The following CEMIP variants were observed in gnomAD, a reference collection of about 807,000 sequenced individuals.
CEMIP encodes cell migration inducing hyaluronidase 1.
Under a neutral mutation model 156.9 loss-of-function variants are expected in CEMIP, and 105 were observed. That is an observed-to-expected ratio of 0.67 (90% confidence interval 0.57 to 0.79). CEMIP has a LOEUF of 0.79. Ranked by LOEUF, CEMIP falls within the 30% of genes least tolerant of loss-of-function variation. The pLI, the probability that CEMIP is intolerant of heterozygous loss-of-function variation, is 0.00. For missense variants in CEMIP, 1,457 were observed against 1,769.4 expected, an observed-to-expected ratio of 0.82 and a Z score of 3.17; for synonymous variants, 676 against 668.4, an observed-to-expected ratio of 1.01 and a Z score of -0.17.
intron 9 of CEMIP, 128 bp from the exon 10 acceptor site, chr15:80,889,343 G>T: frequency 7.6e-7 from 1 of 1,324,212 alleles, no homozygotes. Context: ...CCATGCCCCA[G>T]CCTGGTGCAA....
At position 80,906,609 on chromosome 15, in the gene CEMIP, C is replaced by A. The variant is rs1448421643; in HGVS notation, c.1412-54C>A. The A allele has an allele frequency of 1.2e-5, 19 of 1,555,626 alleles. No homozygotes were observed. Among genetic ancestry groups the A allele is most frequent in the Non-Finnish European group, 1.7e-5 (19 of 1,140,528 alleles). On this transcript the variant is annotated intron_variant, in intron 12 of 29. Coordinates refer to ENST00000394685, the MANE Select transcript of CEMIP (RefSeq NM_001293298.2). This position sits in a 1 kb window ranked among gnomAD's most constrained non-coding sequence, Gnocchi z 4.3. ...GGAGGCACCTGGCAGGGGCCCAGAA[C>A]TCAGTGGGCATGCAGTACCTGCTGT...
chr15:80,789,537 C>T (rs1045382450), intron 1 of CEMIP, among the ~76,000 whole-genome samples: 1 of 151,990 alleles, frequency 6.6e-6, no homozygotes, highest in Non-Finnish European at 1.5e-5. Flanking sequence ...TTTGGGACTT[C>T]CATATGCAGA....
intron 19 of CEMIP, among the ~76,000 whole-genome samples, chr15:80,926,966 G>A (rs1328340848): frequency 6.6e-6 from 1 of 152,054 alleles, no homozygotes; most frequent in Admixed American, 6.5e-5. Context: ...GAGTAGCTGG[G>A]ATTACAAGCG....
At chr15:80,924,466 T>G (rs936216426) in intron 17 of CEMIP, among the ~76,000 whole-genome samples, 155 bp from the exon 18 acceptor site, 2 of 152,166 alleles carry the variant, frequency 1.3e-5, no homozygotes, top group African/African-American at 4.8e-5. Context: ...CATCTTCACC[T>G]CCCTTACTGT....
intron 1 of CEMIP, among the ~76,000 whole-genome samples, chr15:80,805,970 G>A (rs1439670032): frequency 6.6e-6 from 1 of 152,110 alleles, no homozygotes; most frequent in Non-Finnish European, 1.5e-5. Flanking sequence ...TGCTTTAAAA[G>A]GAAATCTCCC....
chr15:80,813,044 A>G lies in CEMIP; in HGVS notation c.-176+33430A>G, dbSNP rs143949425. 2.9e-3 allele frequency among the ~76,000 whole-genome samples: 435 copies of G among 152,318 alleles called. 2 individuals carry two copies. Among genetic ancestry groups the G allele is most frequent in the Middle Eastern group, 0.014 (4 of 294 alleles). ...ATCATTGCCATGTTTTCCCTTTACA[A>G]TGCATGATTAATTTTAATTTTTCTA... On this transcript the variant is annotated intron_variant, in intron 1 of 29. Coordinates refer to ENST00000394685, the MANE Select transcript of CEMIP (RefSeq NM_001293298.2).
chr15:80,945,671 G>T (rs538078808), intron 28 of CEMIP, among the ~76,000 whole-genome samples: 1 of 152,176 alleles, frequency 6.6e-6, no homozygotes, highest in South Asian at 2.1e-4. Flanking sequence ...ACAAATGGGG[G>T]TAACAACAGG....
intron 14 of CEMIP, among the ~76,000 whole-genome samples, chr15:80,913,472 A>T (rs1405682453): frequency 8.5e-6 from 1 of 118,212 alleles, no homozygotes; most frequent in Non-Finnish European, 1.8e-5. Flanking sequence ...ACATTGAGGT[A>T]AAAGAGCATA....
chr15:80,878,369 A>T (rs945011104), intron 3 of CEMIP, among the ~76,000 whole-genome samples: 2 of 152,200 alleles, frequency 1.3e-5, no homozygotes, highest in Non-Finnish European at 2.9e-5. Context: ...AGAAGACAGA[A>T]TGTCCTGGAA....
At chr15:80,921,479 T>G (rs1900468947) in intron 16 of CEMIP, among the ~76,000 whole-genome samples, 2 of 152,194 alleles carry the variant, frequency 1.3e-5, no homozygotes, top group African/African-American at 2.4e-5. Context: ...ATTATTATTA[T>G]CCCCATCTGA....
At chr15:80,941,010 A>C (rs2141969601) in intron 25 of CEMIP, among the ~76,000 whole-genome samples, 1 of 152,330 alleles carries the variant, frequency 6.6e-6, no homozygotes, top group Non-Finnish European at 1.5e-5. Context: ...TAAGAGCGAG[A>C]ATCTTGGTTA....
At chr15:80,879,938 G>T in intron 5 of CEMIP, 84 bp downstream of exon 5, 1 of 1,476,886 alleles carries the variant, frequency 6.8e-7, no homozygotes. Context: ...AGAGGCAAGA[G>T]GGCAAGCTTG....
At chr15:80,810,655 T>A (rs143214307) in intron 1 of CEMIP, among the ~76,000 whole-genome samples, 1 of 152,206 alleles carries the variant, frequency 6.6e-6, no homozygotes, top group Non-Finnish European at 1.5e-5. Flanking sequence ...ATGCCCGGCC[T>A]ACCTGTGTTC....
At chr15:80,927,568 C>T (rs1423847789) in intron 19 of CEMIP, among the ~76,000 whole-genome samples, 1 of 152,178 alleles carries the variant, frequency 6.6e-6, no homozygotes, top group Non-Finnish European at 1.5e-5. Flanking sequence ...TTTAGGGCAG[C>T]AAGAAAAATT....
intron 1 of CEMIP, among the ~76,000 whole-genome samples, chr15:80,826,610 A>G (rs566676449): frequency 7.9e-5 from 12 of 152,324 alleles, no homozygotes; most frequent in Middle Eastern, 3.4e-3. Context: ...GCAGGCCTCA[A>G]ATTGCAGAGC....
At position 80,948,966 on chromosome 15, in the gene CEMIP, G is replaced by A. The variant is rs748300282; in HGVS notation, c.*42G>A. On this transcript the variant is annotated 3_prime_UTR_variant, in exon 30 of 30. Coordinates refer to ENST00000394685, the MANE Select transcript of CEMIP (RefSeq NM_001293298.2). ...GTGCCACCTCGTGGTAGACTATGAC[G>A]GTGACTCTTGGCAGCAGACCAGTGG... 20 of 1,612,970 alleles carry A rather than the reference G, an allele frequency of 1.2e-5. No individual in the cohort carries two copies. The highest frequency in any genetic ancestry group is 8.8e-5 in the South Asian group (8 of 91,046).
intron 24 of CEMIP, among the ~76,000 whole-genome samples, chr15:80,937,334 G>C (rs56141039): frequency 6.6e-6 from 1 of 152,218 alleles, no homozygotes; most frequent in Non-Finnish European, 1.5e-5. Flanking sequence ...CATATATTTA[G>C]ATTCTAGTAT....
At chr15:80,858,678 T>A (rs1301959500) in intron 1 of CEMIP, among the ~76,000 whole-genome samples, 2 of 152,044 alleles carry the variant, frequency 1.3e-5, no homozygotes, top group Non-Finnish European at 2.9e-5. Flanking sequence ...TGAGCCAAGG[T>A]TGCGCCATTG....
intron 5 of CEMIP, among the ~76,000 whole-genome samples, chr15:80,880,438 A>G (rs1345177577): frequency 6.6e-6 from 1 of 152,048 alleles, no homozygotes; most frequent in African/African-American, 2.4e-5. Flanking sequence ...TTTTGTTGTT[A>G]TTGTTGTTGT....
Sources: gnomAD v4.1 joint callset for allele counts (sites outside exome capture counted in the v4.1 genomes callset) on GRCh38, gnomAD v4.1.1 for gene constraint, Gnocchi (gnomAD v3.1) non-coding constraint, MANE v1.5 for transcripts, NCBI Gene and HGNC (gene_info 2026-07-23, HGNC 2026-07-21) for gene names.